Variants in CEL observed in about 807,000 individuals in gnomAD.
CEL encodes the protein bile salt-activated lipase.
Under a neutral mutation model 57.1 loss-of-function variants are expected in CEL, and 39 were observed. The ratio of observed to expected loss-of-function variants is 0.68; its 90% CI spans 0.53 to 0.89. The LOEUF (loss-of-function observed/expected upper bound fraction) is 0.89. Among genes scored for constraint, CEL ranks in the 40% least tolerant of loss-of-function variants. The pLI, the probability that CEL is intolerant of heterozygous loss-of-function variation, is 0.00. For synonymous variants in CEL, 314 were observed against 396.6 expected, an observed-to-expected ratio of 0.79 and a Z score of 2.48; for missense variants, 698 against 915.0, an observed-to-expected ratio of 0.76 and a Z score of 3.06.
intron 9 of CEL, among the ~76,000 whole-genome samples, chr9:133,069,910 G>A (rs1293257847): frequency 6.6e-6 from 1 of 152,138 alleles, no homozygotes; most frequent in Non-Finnish European, 1.5e-5. Flanking sequence ...GGTGGAGGTT[G>A]CAGTGAGCCG....
At position 133,070,572 on chromosome 9, in the gene CEL, C is replaced by G; in HGVS notation, c.1398C>G (p.Pro466=). The G allele has an allele frequency of 6.2e-7, 1 of 1,614,076 alleles. No homozygotes were observed. Among genetic ancestry groups the G allele is most frequent in the African/African-American group, 1.3e-5 (1 of 75,000 alleles). ...ACATTCAGTACGTTTTCGGGAAGCC[C>G]TTCGCCACCCCCACGGGCTACCGGC... ...ADDIQYVFGK[P]FATPTGYRPQ... is the part of the protein sequence containing the mutation. Residue 466 remains proline, a synonymous_variant, in exon 10 of 11, where the codon CCC becomes CCG. Transcript: ENST00000372080.
chr9:133,070,144 A>G lies in CEL; in HGVS notation c.1287-317A>G, dbSNP rs1203534997. On this transcript the variant is annotated intron_variant, in intron 9 of 10. Coordinates refer to ENST00000372080, the MANE Select transcript of CEL (RefSeq NM_001807.6). ...CAAAAAGGGAAACAGTTGAGGGCCT[A>G]TACCTTGTCCAATCTAATTGAAGAA... 1.1e-4 allele frequency among the ~76,000 whole-genome samples: 16 copies of G among 149,690 alleles called. No individual in the cohort carries two copies. The Admixed American group carries it at 1.1e-3, about 10-fold the overall frequency.
At position 133,067,147 on chromosome 9, in the gene CEL, G is replaced by A; in HGVS notation, c.837G>A (p.Lys279=). The stretch of plus-strand genomic sequence containing the variant: ...CCGCCAGGATGGCCCAGTGTCTGAA[G>A]GTTACTGATCCCCGAGCCCTGACGC... The part of the protein sequence containing the change: ...GDAARMAQCL[K]VTDPRALTLA... The change falls in exon 7 of 11, where the codon AAG becomes AAA. Residue 279 remains lysine (K), a synonymous_variant. Transcript: ENST00000372080. 2.5e-6 allele frequency: 4 copies of A among 1,614,108 alleles called. No individual in the cohort carries two copies. The highest frequency in any genetic ancestry group is 3.4e-6 in the Non-Finnish European group (4 of 1,179,996).
At chr9:133,063,205 T>C (rs1367176155) in intron 1 of CEL, among the ~76,000 whole-genome samples, 1 of 152,204 alleles carries the variant, frequency 6.6e-6, no homozygotes, top group African/African-American at 2.4e-5. Flanking sequence ...GTCACCTTCT[T>C]CTTGGGCGAG....
rs773306384 is a variant in CEL, at chr9:133,066,514, C to A, written c.539-16C>A. 6.2e-7 allele frequency: 1 copy of A among 1,613,748 alleles called. No homozygotes were observed. Among genetic ancestry groups the A allele is most frequent in the African/African-American group, 1.3e-5 (1 of 74,942 alleles). ...GCCACTGGTCTCTAGCACCCCCTCCCCTGCCCTGCCCCCAGGTAACTATGG... is the reference window on the plus strand; with the variant it reads ...GCCACTGGTCTCTAGCACCCCCTCCACTGCCCTGCCCCCAGGTAACTATGG... On this transcript the variant is annotated splice_polypyrimidine_tract_variant and intron_variant, in intron 4 of 10. Coordinates refer to ENST00000372080, the MANE Select transcript of CEL (RefSeq NM_001807.6). This position sits in a 1 kb window ranked among gnomAD's most constrained non-coding sequence, Gnocchi z 4.3.
Position 133,065,137 on chromosome 9 carries a change from CGGCGAGGAGAT to C in CEL, c.439_449del (p.Gly147ArgfsTer31). The C allele has an allele frequency of 6.2e-7, 1 of 1,613,982 alleles. No homozygotes were observed. The highest frequency in any genetic ancestry group is 8.5e-7 in the Non-Finnish European group (1 of 1,180,038). ...ACTTCCTCAACAACTACCTGTATGA[CGGCGAGGAGAT>C]CGCCACACGCGGAAACGTCATCGTG... On this transcript the variant is annotated frameshift_variant, in exon 4 of 11. Transcript: ENST00000372080. LOFTEE classifies it high-confidence loss of function.
Position 133,064,988 on chromosome 9 carries a change from G to C in CEL, c.341-52G>C, listed in dbSNP as rs367979165. 192 of 1,607,326 alleles carry C rather than the reference G, an allele frequency of 1.2e-4. 1 individual carries two copies. In the African/African-American group the frequency reaches 2.5e-3, roughly 21 times the overall value. On this transcript the variant is annotated intron_variant, in intron 3 of 10. Coordinates refer to ENST00000372080, the MANE Select transcript of CEL (RefSeq NM_001807.6). ...CTGCACAGGGACAGGGGACCGGCTG[G>C]AGACAGGGCCAGGCGGGGCGTCTGG...
At position 133,071,125 on chromosome 9, in the gene CEL, C is replaced by T; in HGVS notation, c.1623C>T (p.Tyr541=). The change falls in exon 11 of 11, where the codon TAC becomes TAT. Residue 541 remains tyrosine, a synonymous_variant. Transcript: ENST00000372080. ...GCCTGAGAACCAACTTCCTGCGCTA[C>T]TGGACCCTCACCTATCTGGCGCTGC... is the stretch of plus-strand genomic sequence containing the variant. The part of the protein sequence containing the change: ...KRSLRTNFLR[Y]WTLTYLALPT... 6.2e-7 allele frequency: 1 copy of T among 1,609,740 alleles called. No individual in the cohort carries two copies. The highest frequency in any genetic ancestry group is 1.7e-4 in the Middle Eastern group (1 of 6,060).
chr9:133,070,940 C>G, intron 10 of CEL, 47 bp from the exon 11 acceptor site: 2 of 1,602,684 alleles, frequency 1.2e-6, no homozygotes, highest in South Asian at 1.1e-5. Context: ...AGGGCTTCAG[C>G]CCCCTGGGAG....
rs1830099859 is a variant in CEL at position 133,062,087 on chromosome 9, G to T, written c.66+19G>T. 6.5e-7 allele frequency: 1 copy of T among 1,536,740 alleles called. No homozygotes were observed. Among genetic ancestry groups the T allele is most frequent in the East Asian group, 2.5e-5 (1 of 40,442 alleles). On this transcript the variant is annotated intron_variant, in intron 1 of 10. Coordinates refer to ENST00000372080, the MANE Select transcript of CEL (RefSeq NM_001807.6). The stretch of plus-strand genomic sequence containing the variant: ...CGCGAAGGTAAGAGCCCAGCAGAGG[G>T]GCAGGTCCTGCTGCTCTCTCGCTCA...
chr9:133,062,920 C>T (rs1830113253), intron 1 of CEL, among the ~76,000 whole-genome samples: 2 of 151,190 alleles, frequency 1.3e-5, no homozygotes, highest in Non-Finnish European at 2.9e-5. Flanking sequence ...GGAGCTCTCT[C>T]GAGGCATCCA....
At chr9:133,064,922 A>G in intron 3 of CEL, 118 bp from the exon 4 acceptor site, 1 of 1,525,468 alleles carries the variant, frequency 6.6e-7, no homozygotes, top group Non-Finnish European at 9.0e-7. Context: ...GGGGCAGGGC[A>G]GCGCCTTGGA....
rs759624881 is a variant in CEL at position 133,064,529 on chromosome 9, T to C, written c.192T>C (p.Asn64=). ...CAGCTCCCACCAAGGCCCTGGAAAA[T>C]CCTCAGCCACATCCTGGCTGGCAAG... is the stretch of plus-strand genomic sequence containing the variant. ...PFAAPTKALE[N]PQPHPGWQGT... The change falls in exon 2 of 11, where the codon AAT becomes AAC. Residue 64 remains asparagine, a synonymous_variant. Coordinates refer to ENST00000372080, the MANE Select transcript of CEL (RefSeq NM_001807.6). The C allele has an allele frequency of 1.9e-6, 3 of 1,613,974 alleles. No homozygotes were observed. The African/African-American group carries it at 4.0e-5, about 22-fold the overall frequency.
rs1428345454 is a variant in CEL, at chr9:133,071,345, G to A, written c.1843G>A (p.Val615Met). 1 of 292,018 alleles carries A rather than the reference G, an allele frequency of 3.4e-6. No individual in the cohort carries two copies. The highest frequency in any genetic ancestry group is 5.2e-5 in the East Asian group (1 of 19,210). 18.1% of individuals were successfully genotyped at this position (292,018 alleles called of 1,614,324 possible). A position where few individuals can be genotyped will look rare whatever the true frequency, so the allele number is the denominator to read the frequency against. Residue 615 changes from valine (V) to methionine (M), a missense_variant, in exon 11 of 11, where the codon GTG (valine) becomes ATG (methionine). Val to Met is a conservative substitution (Grantham distance 21). This residue lies in a region of CEL where 238 missense variants were observed against 213.7 expected (regional missense o/e 1.11). Coordinates refer to ENST00000372080, the MANE Select transcript of CEL (RefSeq NM_001807.6). Reference sequence around the variant, plus strand: ...CACGGGTGACTCCGGGGCCCCCCCCGTGCCGCCCACGGGTGACTCCGGGGC... The same window carrying A: ...CACGGGTGACTCCGGGGCCCCCCCCATGCCGCCCACGGGTGACTCCGGGGC... ...PPTGDSGAPP[V>M]PPTGDSGAPP... is the part of the protein sequence containing the mutation.
Position 133,071,801 on chromosome 9 carries a change from T to C in CEL, c.*37T>C. 1 of 1,591,120 alleles carries C rather than the reference T, an allele frequency of 6.3e-7. No individual in the cohort carries two copies. Among genetic ancestry groups the C allele is most frequent in the Non-Finnish European group, 8.6e-7 (1 of 1,161,058 alleles). The stretch of plus-strand genomic sequence containing the variant: ...CCTTGGTATCAAGAGGCCACAAGAG[T>C]GGGACCCCAGGGGCTCCCCTCCCAT... On this transcript the variant is annotated 3_prime_UTR_variant, in exon 11 of 11. Transcript: ENST00000372080.
intron 7 of CEL, among the ~76,000 whole-genome samples, chr9:133,068,149 C>A (rs1314530437): frequency 1.3e-5 from 2 of 152,352 alleles, no homozygotes; most frequent in African/African-American, 4.8e-5. Context: ...CAGTGACAGC[C>A]AGGCCCCGCC....
Position 133,067,222 on chromosome 9 carries a change from G to T in CEL, c.895+17G>T. 3 of 1,610,106 alleles carry T rather than the reference G, an allele frequency of 1.9e-6. No individual in the cohort carries two copies. The highest frequency in any genetic ancestry group is 2.5e-6 in the Non-Finnish European group (3 of 1,177,200). ...GCCTGGAGTGTGAGTAGCTGCTCGG[G>T]TTGGCCCATGGGGTCTCGAGGTGGG... On this transcript the variant is annotated intron_variant, in intron 7 of 10. Transcript: ENST00000372080.
chr9:133,068,545 C>G (rs1231845679), intron 7 of CEL, 127 bp from the exon 8 acceptor site: 1 of 913,294 alleles, frequency 1.1e-6, no homozygotes, highest in Non-Finnish European at 1.7e-6. Context: ...CAGAATCAAC[C>G]CTGCCCCAAG....
intron 7 of CEL, among the ~76,000 whole-genome samples, 163 bp from the exon 8 acceptor site, chr9:133,068,509 C>T (rs903012839): frequency 4.0e-5 from 6 of 151,428 alleles, no homozygotes; most frequent in African/African-American, 1.5e-4. Flanking sequence ...AAACATCCTA[C>T]AGGGCACAGG....
Sources: gnomAD v4.1 joint callset for allele counts (sites outside exome capture counted in the v4.1 genomes callset) on GRCh38, gnomAD v4.1.1 for gene constraint, gnomAD v4.1.1 regional missense constraint, Gnocchi (gnomAD v3.1) non-coding constraint, MANE v1.5 for transcripts, NCBI Gene and HGNC (gene_info 2026-07-23, HGNC 2026-07-21) for gene names.